The following VRK3 variants were observed in gnomAD, a reference collection of about 807,000 sequenced individuals.
The protein encoded by VRK3 is VRK serine/threonine kinase 3, also known as serine/threonine-protein kinase VRK3.
VRK3 carries 50 observed loss-of-function variants against 60.4 expected under a neutral mutation model. The observed-to-expected ratio is 0.83, with a 90% CI of 0.66 to 1.05. The LOEUF is 1.05. Among genes scored for constraint, VRK3 ranks in the 50% least tolerant of loss-of-function variants. The pLI is 0.00. For missense variants in VRK3, 549 were observed against 585.3 expected (o/e 0.94, Z 0.64); for synonymous variants, 246 against 227.8 (o/e 1.08, Z -0.72).
intron 5 of VRK3, among the ~76,000 whole-genome samples, chr19:50,003,360 C>T (rs950679877): frequency 1.3e-5 from 2 of 152,332 alleles, no homozygotes; most frequent in East Asian, 1.9e-4. Flanking sequence ...CTTGTTACAG[C>T]GGCCACAGGA....
chr19:49,978,236 C>T (rs2076364517), intron 14 of VRK3, among the ~76,000 whole-genome samples: 1 of 152,118 alleles, frequency 6.6e-6, no homozygotes, highest in Admixed American at 6.6e-5. Context: ...TGCCAAATGC[C>T]CCCAGGGTGG....
intron 1 of VRK3, among the ~76,000 whole-genome samples, chr19:50,022,639 A>G (rs2122711173): frequency 6.6e-6 from 1 of 151,934 alleles, no homozygotes; most frequent in Middle Eastern, 3.4e-3. Context: ...AGTACAAAAA[A>G]AAAAATCAGC....
rs775252766 is a variant in VRK3, at chr19:49,979,098, G to A, written c.1421C>T (p.Pro474Leu). Residue 474 changes from proline (P) to leucine (L), a missense_variant, in exon 14 of 15, where the codon CCC becomes CTC. Coordinates refer to ENST00000316763, the MANE Select transcript of VRK3 (RefSeq NM_016440.4). Reference sequence around the variant, plus strand: ...CTCTTCCCACCTGGATTCCACCTAGGGCACCATCGGGAGGCCAATGGGGTC... The same window carrying A: ...CTCTTCCCACCTGGATTCCACCTAGAGCACCATCGGGAGGCCAATGGGGTC... Reference protein sequence around the residue: ...PYDPIGLPMVP With the variant: ...PYDPIGLPMVL 6.2e-7 allele frequency: 1 copy of A among 1,607,386 alleles called. No homozygotes were observed. The highest frequency in any genetic ancestry group is 8.5e-7 in the Non-Finnish European group (1 of 1,175,532).
At chr19:49,982,038 T>TC in intron 12 of VRK3, 2 of 669,158 alleles carry the variant, frequency 3.0e-6, no homozygotes, top group Non-Finnish European at 5.4e-6. Flanking sequence ...AGGGAGGTGG[T>TC]CCCCCGGAGG....
At position 50,000,837 on chromosome 19, in the gene VRK3, G is replaced by A. The variant is rs1262736395; in HGVS notation, c.565C>T (p.Leu189Phe). Residue 189 changes from leucine (L) to phenylalanine (F), a missense_variant, in exon 6 of 15, where the codon CTC becomes TTC. Transcript: ENST00000316763. ...TTCTGTGGTCCTGAGTCACAGGTGA[G>A]GGTGGAGGTGGGTGCAGCTGTGGGG... ...ILYEAAPTST[L>F]TCDSGPQKQK... 2 of 1,613,922 alleles carry A rather than the reference G, an allele frequency of 1.2e-6. No individual in the cohort carries two copies. Among genetic ancestry groups the A allele is most frequent in the South Asian group, 1.1e-5 (1 of 91,044 alleles).
chr19:49,981,175 C>A, intron 12 of VRK3, 162 bp from the exon 13 acceptor site: 1 of 669,672 alleles, frequency 1.5e-6, no homozygotes, highest in Non-Finnish European at 2.6e-6. Context: ...CTGAATCAAC[C>A]AATCCACTAC....
intron 3 of VRK3, among the ~76,000 whole-genome samples, chr19:50,011,657 G>C (rs1306133043): frequency 6.6e-6 from 1 of 150,796 alleles, no homozygotes; most frequent in Non-Finnish European, 1.5e-5. Flanking sequence ...CTCCTCCAGC[G>C]TGTAGTTAAA....
In VRK3 at chr19:49,979,188, G is replaced by A. The variant is rs779457421; in HGVS notation, c.1331C>T (p.Pro444Leu). ...VVMALTYEEK[P>L]PYAMLRNNLE... is the part of the protein sequence containing the mutation. ...GTTGTTCCTCAGCATGGCGTAGGGC[G>A]GCTTCTCCTCATACGTGAGGGCCAT... Residue 444 changes from proline (P) to leucine (L), a missense_variant, in exon 14 of 15, where the codon CCG (proline) becomes CTG (leucine). Pro to Leu is a moderately conservative substitution (Grantham distance 98). Transcript: ENST00000316763. 2.2e-5 allele frequency: 36 copies of A among 1,613,886 alleles called. No homozygotes were observed. The highest frequency in any genetic ancestry group is 4.5e-5 in the East Asian group (2 of 44,866).
rs2077071408 is a variant in VRK3 at position 50,016,058 on chromosome 19, C to T, written c.105G>A (p.Gln35=). ...SLPVEEHVGS[Q]TFVNPHVSSF... Reference sequence around the variant, plus strand: ...ATGACACATGTGGATTGACAAAGGTCTGGGACCCTACATGCTCCTCTACAG... The same window carrying T: ...ATGACACATGTGGATTGACAAAGGTTTGGGACCCTACATGCTCCTCTACAG... Residue 35 remains glutamine, a synonymous_variant, in exon 3 of 15, where the codon CAG becomes CAA. Transcript: ENST00000316763. 1.9e-6 allele frequency: 3 copies of T among 1,614,090 alleles called. No individual in the cohort carries two copies. Among genetic ancestry groups the T allele is most frequent in the Non-Finnish European group, 2.5e-6 (3 of 1,180,040 alleles).
intron 6 of VRK3, 129 bp from the exon 7 acceptor site, chr19:49,997,699 A>ACCCACCCCCC: frequency 1.1e-6 from 1 of 929,238 alleles, no homozygotes; most frequent in South Asian, 1.6e-5. Flanking sequence ...TCGGAGCCAA[A>ACCCACCCCCC]TTCCTCAGGT....
intron 4 of VRK3, among the ~76,000 whole-genome samples, 156 bp downstream of exon 4, chr19:50,009,080 G>C (rs568424266): frequency 1.3e-5 from 2 of 152,154 alleles, no homozygotes; most frequent in Non-Finnish European, 2.9e-5. Context: ...GCAGACTGGA[G>C]GGGGAGATGG....
chr19:49,984,580 G>A (rs998847268), intron 12 of VRK3, among the ~76,000 whole-genome samples: 1 of 152,198 alleles, frequency 6.6e-6, no homozygotes, highest in Non-Finnish European at 1.5e-5. Flanking sequence ...ACTGAAGCCT[G>A]GGCGGGCTCA....
intron 6 of VRK3, 123 bp downstream of exon 6, chr19:50,000,666 CT>C: frequency 8.6e-7 from 1 of 1,163,694 alleles, no homozygotes. Flanking sequence ...CTTAATACTC[CT>C]TGCAGGTGGG....
chr19:49,987,403 C>G (rs2076534648), intron 12 of VRK3, among the ~76,000 whole-genome samples: 1 of 152,008 alleles, frequency 6.6e-6, no homozygotes, highest in East Asian at 1.9e-4. Flanking sequence ...GCCTGCTGTC[C>G]CTAGTGCTGA....
chr19:49,979,351 G>A (rs1355939348), intron 13 of VRK3, 109 bp from the exon 14 acceptor site: 2 of 1,490,478 alleles, frequency 1.3e-6, no homozygotes, highest in African/African-American at 1.4e-5. Flanking sequence ...AGGGGCATGA[G>A]GGTCTCAGCA....
chr19:49,982,983 C>T (rs1379882351), intron 12 of VRK3, among the ~76,000 whole-genome samples: 1 of 152,094 alleles, frequency 6.6e-6, no homozygotes, highest in African/African-American at 2.4e-5. Context: ...CTCTCTCTGC[C>T]CCATGTCCTC....
intron 13 of VRK3, among the ~76,000 whole-genome samples, chr19:49,980,600 C>G (rs550462125): frequency 1.2e-4 from 19 of 152,130 alleles, no homozygotes; most frequent in African/African-American, 4.3e-4. Context: ...GCCTATAACC[C>G]CAGCTACTTG....
intron 12 of VRK3, among the ~76,000 whole-genome samples, chr19:49,987,165 G>A (rs774634527): frequency 1.3e-5 from 2 of 152,220 alleles, no homozygotes; most frequent in Non-Finnish European, 2.9e-5. Context: ...GAACCACCGT[G>A]CCCGGCCTGG....
chr19:50,007,421 A>G (rs7249316), intron 5 of VRK3, 148 bp downstream of exon 5: 240,341 of 1,207,998 alleles, frequency 0.2, 25,679 homozygotes, highest in East Asian at 0.33. Context: ...GTGGGTAGGT[A>G]TAGAGTCCAA....
Sources: allele counts gnomAD v4.1 joint callset (sites outside exome capture counted in the v4.1 genomes callset), GRCh38; gene constraint gnomAD v4.1.1; transcripts MANE v1.5; gene names NCBI Gene and HGNC (gene_info 2026-07-23, HGNC 2026-07-21).